Variants in MIB1 observed in about 807,000 individuals in gnomAD.
MIB1 encodes the protein MIB E3 ubiquitin protein ligase 1, also known as E3 ubiquitin-protein ligase MIB1.
A neutral mutation model predicts 124.5 loss-of-function variants in MIB1; 278 were observed. That is an observed-to-expected ratio of 2.23 (90% confidence interval 2.02 to 2.47). The LOEUF (loss-of-function observed/expected upper bound fraction) is 2.47. Ranked by LOEUF, MIB1 falls within the 30% of genes most tolerant of loss-of-function variation. The pLI, the probability that MIB1 is intolerant of heterozygous loss-of-function variation, is 0.00. For missense variants in MIB1, 957 were observed against 1,254.4 expected (o/e 0.76, Z 3.58); for synonymous variants, 446 against 429.4 (o/e 1.04, Z -0.48).
intron 9 of MIB1, among the ~76,000 whole-genome samples, chr18:21,800,834 A>G (rs926530771): frequency 2.7e-4 from 41 of 152,206 alleles, no homozygotes; most frequent in Non-Finnish European, 2.4e-4. Flanking sequence ...CAGCACAGCA[A>G]TTTGTTGATT....
In MIB1 at chr18:21,847,054, A is replaced by G. The variant is rs528727555; in HGVS notation, c.2322A>G (p.Gln774=). ...TGAGCATTCGAAATAAGAAGGGTCA[A>G]TCGCCACTTGATCTCTGTCCTGATC... ...ADLSIRNKKG[Q]SPLDLCPDPN... The change falls in exon 16 of 21, where the codon CAA becomes CAG. Residue 774 remains glutamine (Q), a synonymous_variant. Coordinates refer to ENST00000261537, the MANE Select transcript of MIB1 (RefSeq NM_020774.4). 51 of 1,614,186 alleles carry G rather than the reference A, an allele frequency of 3.2e-5. No homozygotes were observed. Among genetic ancestry groups the G allele is most frequent in the South Asian group, 1.6e-4 (15 of 91,086 alleles).
At chr18:21,752,007 G>A (rs1374885251) in intron 1 of MIB1, among the ~76,000 whole-genome samples, 1 of 152,118 alleles carries the variant, frequency 6.6e-6, no homozygotes, top group Non-Finnish European at 1.5e-5. Flanking sequence ...ATATGTCACA[G>A]GTAGTTTATT....
intron 1 of MIB1, among the ~76,000 whole-genome samples, chr18:21,710,451 C>G (rs896743592): frequency 2.0e-5 from 3 of 152,116 alleles, no homozygotes; most frequent in African/African-American, 7.2e-5. Context: ...AATACTTTCC[C>G]CAAAAAATCA....
At chr18:21,840,681 A>C in intron 13 of MIB1, among the ~76,000 whole-genome samples, 1 of 134,996 alleles carries the variant, frequency 7.4e-6, no homozygotes, top group African/African-American at 2.9e-5. Flanking sequence ...TTTTTTTTTT[A>C]ATTAGCTGGG....
intron 10 of MIB1, chr18:21,812,407 T>C (rs1379587776): frequency 1.3e-5 from 2 of 152,202 alleles, no homozygotes; most frequent in Non-Finnish European, 2.9e-5. Flanking sequence ...ATTATGACTT[T>C]GGTGTGAAGA....
In MIB1 at chr18:21,741,580, C is replaced by T; in HGVS notation, c.-4C>T. Reference sequence around the variant, plus strand: ...CAGCGGCGGAGCCCACCGCCCGGGCCCCGATGAGTAACTCCCGGAATAACC... The same window carrying T: ...CAGCGGCGGAGCCCACCGCCCGGGCTCCGATGAGTAACTCCCGGAATAACC... On this transcript the variant is annotated 5_prime_UTR_variant, in exon 1 of 21. Transcript: ENST00000261537. This position sits in a 1 kb window ranked among gnomAD's most constrained non-coding sequence, Gnocchi z 5.4. The T allele has an allele frequency of 1.3e-6, 2 of 1,482,494 alleles. No homozygotes were observed. Among genetic ancestry groups the T allele is most frequent in the Non-Finnish European group, 8.9e-7 (1 of 1,118,466 alleles). The allele number at this position is 1,482,494 out of a possible 1,614,324, so 91.8% of individuals were successfully genotyped here.
At chr18:21,776,289 C>G (rs999268003) in intron 4 of MIB1, among the ~76,000 whole-genome samples, 3 of 151,026 alleles carry the variant, frequency 2.0e-5, no homozygotes, top group African/African-American at 7.3e-5. Flanking sequence ...AAAAAAAATC[C>G]CAAAAAACCA....
chr18:21,791,202 G>T, intron 6 of MIB1, 172 bp from the exon 7 acceptor site: 1 of 442,474 alleles, frequency 2.3e-6, no homozygotes, highest in Non-Finnish European at 3.8e-6. Flanking sequence ...AAACAAAACA[G>T]AAAACAAACA....
intron 1 of MIB1, among the ~76,000 whole-genome samples, chr18:21,757,502 TG>T (rs1461763738): frequency 6.9e-6 from 1 of 144,602 alleles, no homozygotes; most frequent in Non-Finnish European, 1.5e-5. Flanking sequence ...TTTTTTTTTT[TG>T]GGACAGGGTC....
At chr18:21,812,727 AACACGATCCGT>A (rs1185692780) in intron 10 of MIB1, among the ~76,000 whole-genome samples, 2 of 152,200 alleles carry the variant, frequency 1.3e-5, no homozygotes, top group Non-Finnish European at 2.9e-5. Flanking sequence ...GATAGAAAGA[AACACGATCCGT>A]TTTAGATTTA....
At chr18:21,730,871 G>A (rs2040766146) in intron 1 of MIB1, among the ~76,000 whole-genome samples, 1 of 152,116 alleles carries the variant, frequency 6.6e-6, no homozygotes. Flanking sequence ...AGTCTTGCAG[G>A]ACCTCTACTT....
At chr18:21,781,387 A>ATATG (rs1256889604) in intron 6 of MIB1, among the ~76,000 whole-genome samples, 2 of 65,034 alleles carry the variant, frequency 3.1e-5, no homozygotes, top group African/African-American at 1.3e-4. Flanking sequence ...ATATATATAT[A>ATATG]TATATATATA....
chr18:21,715,567 C>T (rs1598578377), intron 1 of MIB1, among the ~76,000 whole-genome samples: 1 of 151,498 alleles, frequency 6.6e-6, no homozygotes, highest in East Asian at 1.9e-4. Context: ...TTAGGCTAAT[C>T]AAGGAGGCAC....
intron 12 of MIB1, among the ~76,000 whole-genome samples, chr18:21,821,897 T>G (rs944456072): frequency 6.6e-6 from 1 of 151,922 alleles, no homozygotes; most frequent in Admixed American, 6.6e-5. Flanking sequence ...CACCGCGCCC[T>G]TCCTCTGTGT....
At chr18:21,798,251 T>C (rs760464815) in intron 8 of MIB1, 23 bp downstream of exon 8, 1 of 1,610,870 alleles carries the variant, frequency 6.2e-7, no homozygotes, top group South Asian at 1.1e-5. Context: ...TTGTGTTTCT[T>C]TAAGAGTAAT....
At chr18:21,788,568 T>C (rs1270589454) in intron 6 of MIB1, among the ~76,000 whole-genome samples, 2 of 152,236 alleles carry the variant, frequency 1.3e-5, no homozygotes, top group East Asian at 3.8e-4. Flanking sequence ...AAGACAAGAA[T>C]GTCCACTTTA....
At chr18:21,856,142 A>G (rs971277335) in intron 18 of MIB1, among the ~76,000 whole-genome samples, 4 of 151,392 alleles carry the variant, frequency 2.6e-5, no homozygotes, top group Admixed American at 6.6e-5. Flanking sequence ...AGGCAGGAGA[A>G]TGGCGTGAAC....
chr18:21,768,863 A>G (rs1317970303), intron 3 of MIB1, 111 bp downstream of exon 3: 2 of 931,186 alleles, frequency 2.1e-6, no homozygotes, highest in East Asian at 3.7e-5. Flanking sequence ...TGCCAGTAAC[A>G]GTTTTTAAAA....
chr18:21,724,840 C>G (rs1164795255), intron 1 of MIB1, among the ~76,000 whole-genome samples: 1 of 137,674 alleles, frequency 7.3e-6, no homozygotes, highest in Non-Finnish European at 1.5e-5. Context: ...CACCTGTAAT[C>G]CCAACACTTT....
Sources: gnomAD v4.1 joint callset for allele counts (sites outside exome capture counted in the v4.1 genomes callset) on GRCh38, gnomAD v4.1.1 for gene constraint, Gnocchi (gnomAD v3.1) non-coding constraint, MANE v1.5 for transcripts, NCBI Gene and HGNC (gene_info 2026-07-23, HGNC 2026-07-21) for gene names.